The following SEMA3D variants were observed in gnomAD, a reference collection of about 807,000 sequenced individuals.
SEMA3D encodes semaphorin 3D.
Under a neutral mutation model 100.1 loss-of-function variants are expected in SEMA3D, and 84 were observed. The ratio of observed to expected loss-of-function variants is 0.84; its 90% CI spans 0.70 to 1.01. The LOEUF (loss-of-function observed/expected upper bound fraction) is 1.01, where lower values mean the gene tolerates loss of function less well. Among genes scored for constraint, SEMA3D ranks in the 50% least tolerant of loss-of-function variants. The pLI is 0.00. For synonymous variants in SEMA3D, 312 were observed against 320.7 expected (o/e 0.97, Z 0.29); for missense variants, 875 against 934.1 (o/e 0.94, Z 0.82).
chr7:85,223,774 G>T, the SEMA3D span, among the ~76,000 whole-genome samples: 1 of 152,036 alleles, frequency 6.6e-6, no homozygotes, highest in African/African-American at 2.4e-5. Flanking sequence ...AGGGGTGAGG[G>T]GGGTGCAGGA....
the SEMA3D span, among the ~76,000 whole-genome samples, chr7:85,222,175 C>T: frequency 6.6e-6 from 1 of 151,798 alleles, no homozygotes; most frequent in African/African-American, 2.4e-5. Context: ...ATTTACTAAC[C>T]CTGAGAAGTT....
At chr7:85,147,232 A>G (rs1790242235) in intron 2 of SEMA3D, among the ~76,000 whole-genome samples, 1 of 149,840 alleles carries the variant, frequency 6.7e-6, no homozygotes, top group African/African-American at 2.5e-5. Context: ...CCTCCTGAGT[A>G]GCTGGCATTA....
chr7:85,066,548 C>T (rs1176923702), intron 7 of SEMA3D, among the ~76,000 whole-genome samples: 1 of 151,822 alleles, frequency 6.6e-6, no homozygotes, highest in African/African-American at 2.4e-5. Flanking sequence ...GCTGTTCCTG[C>T]AGGAGAATAT....
chr7:85,001,538 T>C (rs560247230), intron 18 of SEMA3D, among the ~76,000 whole-genome samples: 2 of 152,274 alleles, frequency 1.3e-5, no homozygotes, highest in African/African-American at 4.8e-5. Flanking sequence ...ATAATTGTTT[T>C]TTTCCCTTAG....
intron 9 of SEMA3D, among the ~76,000 whole-genome samples, chr7:85,052,083 C>T (rs1791181489): frequency 6.6e-6 from 1 of 151,874 alleles, no homozygotes; most frequent in Admixed American, 6.6e-5. Context: ...AAAGTGAGGA[C>T]TTTATAGAAA....
At chr7:85,161,163 T>C (rs537040722) in intron 1 of SEMA3D, among the ~76,000 whole-genome samples, 1 of 152,272 alleles carries the variant, frequency 6.6e-6, no homozygotes, top group Non-Finnish European at 1.5e-5. Context: ...ACTAAAAATT[T>C]TAGCTTTATC....
In SEMA3D at chr7:85,111,058, T is replaced by A. The variant is rs150228805; in HGVS notation, c.151+10683A>T. On this transcript the variant is annotated intron_variant, in intron 3 of 18. Transcript: ENST00000284136. ...TACTTTTTTCATTTAACAACTTCTATACTAGAACTCCTAATTTTTCTCCTA... is the reference window on the plus strand; with the variant it reads ...TACTTTTTTCATTTAACAACTTCTAAACTAGAACTCCTAATTTTTCTCCTA... 3.7e-3 allele frequency among the ~76,000 whole-genome samples: 569 copies of A among 152,176 alleles called. 4 individuals carry two copies. Among genetic ancestry groups the A allele is most frequent in the African/African-American group, 0.013 (556 of 41,560 alleles).
At chr7:85,189,064 A>G (rs2116600209), upstream of SEMA3D, among the ~76,000 whole-genome samples, 1 of 152,302 alleles carries the variant, frequency 6.6e-6, no homozygotes, top group East Asian at 1.9e-4. Flanking sequence ...TCCTGAACAT[A>G]TCATGAGAAA....
the SEMA3D span, among the ~76,000 whole-genome samples, chr7:85,197,141 C>A: frequency 2.0e-5 from 3 of 152,070 alleles, no homozygotes; most frequent in African/African-American, 7.2e-5. Context: ...CTTGAAATGG[C>A]CCTGCAAAGC....
chr7:85,003,918 C>T (rs1408251050), intron 18 of SEMA3D, among the ~76,000 whole-genome samples: 4 of 152,048 alleles, frequency 2.6e-5, no homozygotes, highest in African/African-American at 7.2e-5. Flanking sequence ...ATTAGCAATA[C>T]GCTGTTGTTT....
chr7:85,075,786 G>A (rs1209823829), intron 5 of SEMA3D, among the ~76,000 whole-genome samples: 2 of 152,196 alleles, frequency 1.3e-5, no homozygotes, highest in Non-Finnish European at 2.9e-5. Context: ...GATCGTAAAA[G>A]ATAAGGTCTC....
intron 18 of SEMA3D, among the ~76,000 whole-genome samples, chr7:85,005,853 T>C (rs1789781933): frequency 1.3e-5 from 2 of 151,944 alleles, no homozygotes; most frequent in African/African-American, 4.8e-5. Context: ...TTACTGGAGG[T>C]TGAGATCCAC....
chr7:85,040,563 A>C (rs942474803), intron 11 of SEMA3D, 110 bp downstream of exon 11: 9 of 634,440 alleles, frequency 1.4e-5, no homozygotes, highest in Non-Finnish European at 2.0e-5. Flanking sequence ...ATGAAAAAAA[A>C]AGTTTACGAT....
At chr7:85,160,413 A>T (rs1316058648) in intron 1 of SEMA3D, among the ~76,000 whole-genome samples, 1 of 152,152 alleles carries the variant, frequency 6.6e-6, no homozygotes, top group African/African-American at 2.4e-5. Context: ...TAAATACTAT[A>T]AAGAACAAGA....
chr7:85,123,273 A>C lies in SEMA3D; in HGVS notation c.-40-1342T>G, dbSNP rs938568799. On this transcript the variant is annotated intron_variant, in intron 2 of 18. Coordinates refer to ENST00000284136, the MANE Select transcript of SEMA3D (RefSeq NM_001384900.1). ...CTTCAACTTCTCTTCCATGTTAATT[A>C]ACTTACTGCTGTTACTAGGAAATAG... 2.0e-5 allele frequency among the ~76,000 whole-genome samples: 3 copies of C among 152,214 alleles called. 1 individual carries two copies. Among genetic ancestry groups the C allele is most frequent in the African/African-American group, 7.2e-5 (3 of 41,554 alleles).
intron 6 of SEMA3D, among the ~76,000 whole-genome samples, chr7:85,069,530 G>GT (rs962181436): frequency 6.6e-6 from 1 of 152,104 alleles, no homozygotes; most frequent in Non-Finnish European, 1.5e-5. Context: ...ATGATTCCAT[G>GT]TGCTTCCTGA....
intron 3 of SEMA3D, among the ~76,000 whole-genome samples, chr7:85,098,283 A>G (rs890306750): frequency 2.0e-5 from 3 of 151,838 alleles, no homozygotes; most frequent in Non-Finnish European, 4.4e-5. Context: ...GTACCTTAAC[A>G]CAATATTTAT....
At chr7:85,226,535 T>C in the SEMA3D span, among the ~76,000 whole-genome samples, 1 of 152,228 alleles carries the variant, frequency 6.6e-6, no homozygotes, top group African/African-American at 2.4e-5. Context: ...ATTTTTGTGG[T>C]TGTGGAAACA....
chr7:85,059,550 T>C (rs1013835551), intron 8 of SEMA3D, among the ~76,000 whole-genome samples: 1 of 152,138 alleles, frequency 6.6e-6, no homozygotes, highest in Non-Finnish European at 1.5e-5. Context: ...ACCTACAAAA[T>C]GATTGAATTG....
Sources: gnomAD v4.1 joint callset for allele counts (sites outside exome capture counted in the v4.1 genomes callset) on GRCh38, gnomAD v4.1.1 for gene constraint, MANE v1.5 for transcripts, NCBI Gene and HGNC (gene_info 2026-07-23, HGNC 2026-07-21) for gene names.